The following STARD13 variants were observed in gnomAD, a reference collection of about 807,000 sequenced individuals.
The protein encoded by STARD13 is stAR-related lipid transfer protein 13.
Under a neutral mutation model 106.4 loss-of-function variants are expected in STARD13, and 62 were observed. That is an observed-to-expected ratio of 0.58 (90% CI 0.48 to 0.72). The LOEUF is 0.72. STARD13 is among the 30% of genes least tolerant of loss of function. STARD13 has a pLI of 0.00. For synonymous variants in STARD13, 565 were observed against 553.0 expected (o/e 1.02, Z -0.31); for missense variants, 1,387 against 1,424.0 (o/e 0.97, Z 0.42).
chr13:33,350,606 AC>A lies in STARD13; in HGVS notation c.-194del, dbSNP rs1257812640. Reference sequence around the variant, plus strand: ...CGCGCGAGGACCGGGATGCCTGGCCACCAGAAACGCCGCGCTAGGTTATTAA... The same window carrying A: ...CGCGCGAGGACCGGGATGCCTGGCCACAGAAACGCCGCGCTAGGTTATTAA... On this transcript the variant is annotated 5_prime_UTR_variant, in exon 1 of 2. Coordinates refer to the STARD13 transcript ENST00000439831. 7 of 1,381,450 alleles carry A rather than the reference AC, an allele frequency of 5.1e-6. No individual in the cohort carries two copies. The Admixed American group carries it at 9.7e-5, about 19-fold the overall frequency. 85.6% of individuals were successfully genotyped at this position (1,381,450 alleles called of 1,614,324 possible).
the STARD13 span, among the ~76,000 whole-genome samples, chr13:33,461,573 T>C: frequency 6.6e-6 from 1 of 152,228 alleles, no homozygotes; most frequent in Non-Finnish European, 1.5e-5. Flanking sequence ...TCTTGAGGTA[T>C]TTTTGCCTGC....
chr13:33,115,077 C>G (rs1875172599), intron 8 of STARD13, among the ~76,000 whole-genome samples: 1 of 152,084 alleles, frequency 6.6e-6, no homozygotes, highest in Non-Finnish European at 1.5e-5. Context: ...TTTCCACATT[C>G]TTTCAATCAT....
chr13:33,394,666 G>A, the STARD13 span, among the ~76,000 whole-genome samples: 3 of 152,174 alleles, frequency 2.0e-5, no homozygotes, highest in Admixed American at 6.6e-5. Flanking sequence ...ATCAAAATTT[G>A]GAGAATTATC....
intron 1 of STARD13, among the ~76,000 whole-genome samples, chr13:33,300,032 A>G (rs1566126097): frequency 1.3e-5 from 2 of 152,214 alleles, no homozygotes; most frequent in South Asian, 4.1e-4. Flanking sequence ...AAATGGCTCT[A>G]AAGTATGATT....
chr13:33,524,193 C>T, the STARD13 span: 1 of 1,180,980 alleles, frequency 8.5e-7, no homozygotes, highest in Non-Finnish European at 1.1e-6. Flanking sequence ...ATGAACAGGG[C>T]AGGACACTCA....
chr13:33,625,573 A>C, the STARD13 span, among the ~76,000 whole-genome samples: 1 of 152,090 alleles, frequency 6.6e-6, no homozygotes, highest in Admixed American at 6.5e-5. Flanking sequence ...TCTCAAAAAT[A>C]AATAAATAAA....
At chr13:33,578,847 T>C in the STARD13 span, among the ~76,000 whole-genome samples, 3 of 151,872 alleles carry the variant, frequency 2.0e-5, no homozygotes, top group Non-Finnish European at 2.9e-5. Flanking sequence ...ATGACATGAA[T>C]AGACAATCCT....
chr13:33,538,271 C>G, the STARD13 span, among the ~76,000 whole-genome samples: 1 of 152,122 alleles, frequency 6.6e-6, no homozygotes, highest in Admixed American at 6.5e-5. Context: ...CCTTATTCAT[C>G]AATTTGGAAG....
rs534891560 is a variant in STARD13, at chr13:33,173,027, T to C, written c.170-5405A>G. On this transcript the variant is annotated intron_variant, in intron 1 of 13. Transcript: ENST00000336934. ...AAGTAGGCTTGAGTAGAGTGTTTTG[T>C]CTTTTCCTTTAAACTGGCCTATTTG... Among the ~76,000 whole-genome samples the C allele has an allele frequency of 1.2e-4, 19 of 152,358 alleles. No homozygotes were observed. In the South Asian group the frequency reaches 1.4e-3, roughly 12 times the overall value.
chr13:33,261,470 CATTT>C (rs1401164225), intron 1 of STARD13, among the ~76,000 whole-genome samples: 1 of 152,158 alleles, frequency 6.6e-6, no homozygotes, highest in East Asian at 1.9e-4. Flanking sequence ...CCACTCATAT[CATTT>C]ATAGAAACTA....
chr13:33,667,332 T>C, the STARD13 span, among the ~76,000 whole-genome samples: 1 of 152,258 alleles, frequency 6.6e-6, no homozygotes, highest in East Asian at 1.9e-4. Context: ...ATAGAATGCC[T>C]ATGTGGTTTT....
intron 1 of STARD13, among the ~76,000 whole-genome samples, chr13:33,307,793 A>C (rs1892968626): frequency 6.6e-6 from 1 of 152,220 alleles, no homozygotes; most frequent in African/African-American, 2.4e-5. Context: ...TACATATCCT[A>C]CGCATGTATC....
chr13:33,340,102 C>T (rs2077943488), intron 1 of STARD13, among the ~76,000 whole-genome samples: 1 of 152,134 alleles, frequency 6.6e-6, no homozygotes, highest in Non-Finnish European at 1.5e-5. Context: ...CATGTATGCT[C>T]CCACAAAGGG....
At chr13:33,565,778 T>G in the STARD13 span, among the ~76,000 whole-genome samples, 1 of 148,398 alleles carries the variant, frequency 6.7e-6, no homozygotes, top group Non-Finnish European at 1.5e-5. Flanking sequence ...AGGAACTTGA[T>G]CCAACATATC....
chr13:33,193,335 C>A (rs1293892825), intron 1 of STARD13, among the ~76,000 whole-genome samples: 4 of 152,074 alleles, frequency 2.6e-5, no homozygotes, highest in African/African-American at 7.2e-5. Context: ...GATCTTGACG[C>A]CTTGCAGAAG....
intron 1 of STARD13, among the ~76,000 whole-genome samples, chr13:33,189,123 C>A (rs1004595642): frequency 6.6e-6 from 1 of 152,164 alleles, no homozygotes. Context: ...AAAGTAGTGT[C>A]ATGAATAGCT....
chr13:33,151,916 A>C (rs922260126), intron 3 of STARD13, among the ~76,000 whole-genome samples: 3 of 152,206 alleles, frequency 2.0e-5, no homozygotes, highest in African/African-American at 7.2e-5. Flanking sequence ...AGAGAGGCAG[A>C]AACAGAGGAT....
chr13:33,600,851 G>A, the STARD13 span, among the ~76,000 whole-genome samples: 36 of 152,194 alleles, frequency 2.4e-4, no homozygotes, highest in Admixed American at 4.6e-4. Context: ...AGGAGATAAT[G>A]CTCATTTTAA....
At chr13:33,133,035 G>T (rs1433913646) in intron 4 of STARD13, among the ~76,000 whole-genome samples, 1 of 152,002 alleles carries the variant, frequency 6.6e-6, no homozygotes, top group East Asian at 1.9e-4. Context: ...CTATGAAAAA[G>T]CCCTTTTAGC....
Sources: gnomAD v4.1 joint callset for allele counts (sites outside exome capture counted in the v4.1 genomes callset) on GRCh38, gnomAD v4.1.1 for gene constraint, MANE v1.5 for transcripts, NCBI Gene and HGNC (gene_info 2026-07-23, HGNC 2026-07-21) for gene names.